The following ATE1 variants were observed in gnomAD, a reference collection of about 807,000 sequenced individuals.
ATE1 encodes arginyl-tRNA--protein transferase 1.
Under a neutral mutation model 70.5 loss-of-function variants are expected in ATE1, and 36 were observed. That is an observed-to-expected ratio of 0.51 (90% CI 0.39 to 0.67). The LOEUF (loss-of-function observed/expected upper bound fraction) is 0.67. Ranked by LOEUF, ATE1 falls within the 30% of genes least tolerant of loss-of-function variation. ATE1 has a pLI of 0.00. For missense variants in ATE1, 593 were observed against 629.5 expected, an observed-to-expected ratio of 0.94 and a Z score of 0.62; for synonymous variants, 232 against 219.3, an observed-to-expected ratio of 1.06 and a Z score of -0.51.
chr10:121,764,686 T>A (rs1402552954), intron 11 of ATE1, among the ~76,000 whole-genome samples: 1 of 152,158 alleles, frequency 6.6e-6, no homozygotes, highest in Non-Finnish European at 1.5e-5. Flanking sequence ...GCCCAAAGCC[T>A]CCCTACTGAA....
At chr10:121,905,354 T>C (rs887702247) in intron 5 of ATE1, among the ~76,000 whole-genome samples, 6 of 152,196 alleles carry the variant, frequency 3.9e-5, no homozygotes, top group Non-Finnish European at 8.8e-5. Flanking sequence ...TACTGAAAAT[T>C]ACATTCCTTA....
chr10:121,912,304 T>C (rs1288441764), intron 4 of ATE1, among the ~76,000 whole-genome samples: 1 of 152,130 alleles, frequency 6.6e-6, no homozygotes, highest in Admixed American at 6.5e-5. Flanking sequence ...CAGGCACAGA[T>C]AATTCAGAAG....
In ATE1 at chr10:121,895,917, C is replaced by T. The variant is rs528735767; in HGVS notation, c.942+3949G>A. 1.5e-4 allele frequency among the ~76,000 whole-genome samples: 22 copies of T among 147,512 alleles called. No individual in the cohort carries two copies. The South Asian group carries it at 4.3e-3, about 29-fold the overall frequency. ...GGGCGACAGAGCAAGACTCTGTCTC[C>T]CCCCACCAAAAAAAAAAAAATCAAA... On this transcript the variant is annotated intron_variant, in intron 7 of 11. Coordinates refer to ENST00000224652, the MANE Select transcript of ATE1 (RefSeq NM_001001976.3).
intron 11 of ATE1, among the ~76,000 whole-genome samples, chr10:121,751,191 C>T (rs1944563730): frequency 6.6e-6 from 1 of 152,158 alleles, no homozygotes; most frequent in African/African-American, 2.4e-5. Flanking sequence ...TAATTTCACT[C>T]GGAATATTTT....
chr10:121,820,644 T>C (rs1312618662), intron 10 of ATE1, among the ~76,000 whole-genome samples: 1 of 152,228 alleles, frequency 6.6e-6, no homozygotes, highest in Non-Finnish European at 1.5e-5. Context: ...TGTAGAAAAC[T>C]GGCTAATATA....
chr10:121,803,167 A>G (rs1354387490), intron 10 of ATE1, among the ~76,000 whole-genome samples: 1 of 152,116 alleles, frequency 6.6e-6, no homozygotes, highest in Admixed American at 6.5e-5. Flanking sequence ...GTTTCCTAAG[A>G]GCTGGGAGTA....
At chr10:121,809,307 T>TTA in intron 10 of ATE1, among the ~76,000 whole-genome samples, 1 of 144,062 alleles carries the variant, frequency 6.9e-6, no homozygotes, top group South Asian at 2.2e-4. Context: ...TTTTTTCAAG[T>TTA]AAAAAAAAAA....
intron 11 of ATE1, among the ~76,000 whole-genome samples, chr10:121,765,206 C>T (rs1193117710): frequency 1.4e-4 from 21 of 152,324 alleles, no homozygotes; most frequent in Admixed American, 2.0e-4. Flanking sequence ...CAGAGTCCCC[C>T]AGGTAGTGCT....
In ATE1 at chr10:121,847,351, T is replaced by A. The variant is rs1948867210; in HGVS notation, c.976-6088A>T. 2.6e-5 allele frequency among the ~76,000 whole-genome samples: 4 copies of A among 151,576 alleles called. No homozygotes were observed. The South Asian group carries it at 6.3e-4, about 24-fold the overall frequency. On this transcript the variant is annotated intron_variant, in intron 8 of 11. Coordinates refer to ENST00000224652, the MANE Select transcript of ATE1 (RefSeq NM_001001976.3). ...TAATCCCAGTTACTCAGGAGGCTGA[T>A]GCAGGAGAATCGCTTGAACCCGGGA...
At chr10:121,786,857 T>A (rs1324531587) in intron 11 of ATE1, among the ~76,000 whole-genome samples, 2 of 152,190 alleles carry the variant, frequency 1.3e-5, no homozygotes, top group African/African-American at 2.4e-5. Context: ...TATGTGTATA[T>A]ATATATGTGT....
intron 11 of ATE1, among the ~76,000 whole-genome samples, chr10:121,778,564 C>CTTTT (rs71022864): frequency 1.7e-5 from 1 of 57,154 alleles, no homozygotes; most frequent in African/African-American, 7.1e-5. Context: ...ATGTGGCCAG[C>CTTTT]TTTTTTTTTT....
At chr10:121,759,044 T>C (rs1944925681) in intron 11 of ATE1, among the ~76,000 whole-genome samples, 1 of 152,188 alleles carries the variant, frequency 6.6e-6, no homozygotes, top group Non-Finnish European at 1.5e-5. Context: ...TGCAAGTCTC[T>C]CACTTTAAAT....
intron 10 of ATE1, among the ~76,000 whole-genome samples, chr10:121,794,354 T>C (rs1946568345): frequency 6.6e-6 from 1 of 152,034 alleles, no homozygotes; most frequent in African/African-American, 2.4e-5. Context: ...CTAATAAAAA[T>C]GGAATAGCAT....
chr10:121,780,173 T>C (rs530535595), intron 11 of ATE1, among the ~76,000 whole-genome samples: 1 of 152,282 alleles, frequency 6.6e-6, no homozygotes, highest in East Asian at 1.9e-4. Context: ...ACCAGATGTC[T>C]CACAAACACC....
At chr10:121,840,081 T>C (rs1427852187) in intron 9 of ATE1, among the ~76,000 whole-genome samples, 1 of 152,076 alleles carries the variant, frequency 6.6e-6, no homozygotes, top group African/African-American at 2.4e-5. Flanking sequence ...CCACCACATA[T>C]ACACATAGAC....
At chr10:121,807,954 C>T (rs1488405448) in intron 10 of ATE1, among the ~76,000 whole-genome samples, 1 of 152,146 alleles carries the variant, frequency 6.6e-6, no homozygotes, top group Non-Finnish European at 1.5e-5. Flanking sequence ...GAAGTATTTA[C>T]TATCTGGCCC....
At position 121,741,923 on chromosome 10, in the gene ATE1, C is replaced by G. The variant is rs1381839479; in HGVS notation, c.*1757G>C. ...CTTTTTATTTATACTTCTTAATGTT[C>G]TAACTGCTTACAGTGTCACTTTTGT... is the stretch of plus-strand genomic sequence containing the variant. On this transcript the variant is annotated 3_prime_UTR_variant, in exon 12 of 12. Transcript: ENST00000224652. 2 of 152,106 alleles carry G rather than the reference C, an allele frequency of 1.3e-5. No homozygotes were observed. The highest frequency in any genetic ancestry group is 3.9e-4 in the East Asian group (2 of 5,192). 9.4% of individuals were successfully genotyped at this position (152,106 alleles called of 1,614,324 possible).
chr10:121,926,469 A>C (rs1190873722), intron 1 of ATE1, among the ~76,000 whole-genome samples: 1 of 152,200 alleles, frequency 6.6e-6, no homozygotes, highest in African/African-American at 2.4e-5. Context: ...TAAAATTAAA[A>C]TCGAGATACT....
rs200216938 is a variant in ATE1 at position 121,836,821 on chromosome 10, C to A, written c.1158-4G>T. The stretch of plus-strand genomic sequence containing the variant: ...CTGCCTAGTAAAAGCAATTTCTCTG[C>A]GAAAAGAAAAAGAAGAAAGCTGAAG... On this transcript the variant is annotated splice_region_variant and splice_polypyrimidine_tract_variant and intron_variant, in intron 9 of 11. Coordinates refer to ENST00000224652, the MANE Select transcript of ATE1 (RefSeq NM_001001976.3). 2.5e-6 allele frequency: 4 copies of A among 1,581,058 alleles called. No homozygotes were observed. Among genetic ancestry groups the A allele is most frequent in the African/African-American group, 2.7e-5 (2 of 73,356 alleles).
Sources: allele counts gnomAD v4.1 joint callset (sites outside exome capture counted in the v4.1 genomes callset), GRCh38; gene constraint gnomAD v4.1.1; transcripts MANE v1.5; gene names NCBI Gene and HGNC (gene_info 2026-07-23, HGNC 2026-07-21).